Variants in ABCB5 observed in about 807,000 individuals in gnomAD.
The protein encoded by ABCB5 is ATP binding cassette subfamily B member 5, also known as ATP-binding cassette sub-family B member 5.
In ABCB5, 155 loss-of-function variants were observed where a neutral mutation model predicts 144.2. The ratio of observed to expected loss-of-function variants is 1.08; its 90% CI spans 0.94 to 1.23. ABCB5 has a LOEUF of 1.23. ABCB5 is among the 50% of genes most tolerant of loss of function. The probability of loss-of-function intolerance (pLI) is 0.00; values close to 1 mark genes in which losing one functional copy is unlikely to be tolerated. For missense variants in ABCB5, 1,830 were observed against 1,520.8 expected, an observed-to-expected ratio of 1.20 and a Z score of -3.38; for synonymous variants, 610 against 528.6, an observed-to-expected ratio of 1.15 and a Z score of -2.11.
chr7:20,683,504 G>T (rs780670933), intron 15 of ABCB5, among the ~76,000 whole-genome samples: 2 of 152,062 alleles, frequency 1.3e-5, no homozygotes, highest in South Asian at 2.1e-4. Flanking sequence ...TCTTTCTTTG[G>T]AGTAGTACAT....
intron 14 of ABCB5, among the ~76,000 whole-genome samples, 184 bp downstream of exon 14, chr7:20,658,860 G>A (rs990503642): frequency 1.3e-5 from 2 of 152,178 alleles, no homozygotes; most frequent in East Asian, 3.9e-4. Context: ...GACAGAAGGA[G>A]ATGCTGTGGT....
intron 14 of ABCB5, 116 bp from the exon 15 acceptor site, chr7:20,681,389 A>T: frequency 8.4e-7 from 1 of 1,189,008 alleles, no homozygotes; most frequent in Non-Finnish European, 1.2e-6. Context: ...GGCCTCCCAA[A>T]GTGCTGGAAT....
chr7:20,648,780 G>A (rs926959835), intron 11 of ABCB5, among the ~76,000 whole-genome samples: 1 of 152,148 alleles, frequency 6.6e-6, no homozygotes, highest in Non-Finnish European at 1.5e-5. Context: ...TTTGTATAAA[G>A]ACCTACCTAC....
chr7:20,697,240 T>A (rs1279099395), intron 16 of ABCB5, among the ~76,000 whole-genome samples: 14 of 152,216 alleles, frequency 9.2e-5, no homozygotes. Flanking sequence ...TTTAAAGGCA[T>A]CAGAATTTCA....
intron 14 of ABCB5, among the ~76,000 whole-genome samples, chr7:20,667,802 G>A (rs965667349): frequency 4.0e-5 from 6 of 148,336 alleles, no homozygotes; most frequent in Non-Finnish European, 8.9e-5. Context: ...CTGCCATCTC[G>A]GCTCACTGCA....
At chr7:20,623,377 C>T (rs1484957879) in intron 2 of ABCB5, 39 bp downstream of exon 2, 3 of 1,468,428 alleles carry the variant, frequency 2.0e-6, no homozygotes, top group East Asian at 4.9e-5. Context: ...GCTTCCACAA[C>T]TTCAAATATA....
chr7:20,730,034 A>G (rs1024328411), intron 23 of ABCB5, among the ~76,000 whole-genome samples: 3 of 152,210 alleles, frequency 2.0e-5, no homozygotes, highest in African/African-American at 7.2e-5. Context: ...AAATTTATTT[A>G]TTTATTAAGC....
chr7:20,737,183 T>C (rs1782407546), intron 23 of ABCB5, among the ~76,000 whole-genome samples: 1 of 150,834 alleles, frequency 6.6e-6, no homozygotes. Context: ...TGAAGAAGAT[T>C]AGTGTCCCTC....
At chr7:20,652,602 A>G (rs1337569887) in intron 13 of ABCB5, among the ~76,000 whole-genome samples, 2 of 152,216 alleles carry the variant, frequency 1.3e-5, no homozygotes, top group Admixed American at 6.5e-5. Context: ...GGAAAGCAAT[A>G]TAGTCCCCAA....
chr7:20,688,226 T>C (rs547148376), intron 16 of ABCB5, among the ~76,000 whole-genome samples: 7 of 151,572 alleles, frequency 4.6e-5, no homozygotes, highest in Admixed American at 6.6e-5. Context: ...TAAAATAAAA[T>C]AAAATAAACA....
intron 16 of ABCB5, 36 bp from the exon 17 acceptor site, chr7:20,698,371 A>T (rs1173405687): frequency 2.0e-6 from 3 of 1,534,956 alleles, no homozygotes. Context: ...TTATGCACAC[A>T]AACTGGCATT....
At chr7:20,669,818 G>A (rs969154364) in intron 14 of ABCB5, among the ~76,000 whole-genome samples, 2 of 146,606 alleles carry the variant, frequency 1.4e-5, no homozygotes, top group East Asian at 2.0e-4. Context: ...AGTAGGCTAG[G>A]TGCCTGAGTG....
At chr7:20,636,063 G>A (rs958010358) in intron 5 of ABCB5, among the ~76,000 whole-genome samples, 2 of 152,078 alleles carry the variant, frequency 1.3e-5, no homozygotes, top group African/African-American at 4.8e-5. Flanking sequence ...AAGTTCTATT[G>A]GATAGTGTTG....
intron 20 of ABCB5, among the ~76,000 whole-genome samples, chr7:20,705,741 C>G (rs897314481): frequency 6.6e-6 from 1 of 151,664 alleles, no homozygotes; most frequent in Non-Finnish European, 1.5e-5. Flanking sequence ...ACTAAAGCAA[C>G]CCATCAGAAT....
At chr7:20,623,404 C>G (rs1389895207) in intron 2 of ABCB5, 66 bp downstream of exon 2, 2 of 1,261,682 alleles carry the variant, frequency 1.6e-6, no homozygotes, top group East Asian at 5.1e-5. Context: ...CCTTTCCACA[C>G]CTATAGCAAA....
intron 5 of ABCB5, 129 bp downstream of exon 5, chr7:20,632,242 C>T: frequency 1.7e-6 from 1 of 574,768 alleles, no homozygotes; most frequent in East Asian, 3.1e-5. Context: ...GCAAACATTT[C>T]CTCTTCTTTC....
intron 2 of ABCB5, among the ~76,000 whole-genome samples, chr7:20,625,603 C>T (rs547652020): frequency 2.6e-5 from 4 of 152,076 alleles, no homozygotes; most frequent in African/African-American, 7.2e-5. Flanking sequence ...TTGCAATCCA[C>T]CACTTCATAC....
chr7:20,676,654 A>C (rs1785623542), intron 14 of ABCB5, among the ~76,000 whole-genome samples: 1 of 152,200 alleles, frequency 6.6e-6, no homozygotes, highest in East Asian at 1.9e-4. Context: ...AAGACGAATA[A>C]GTTCTAGACA....
chr7:20,679,394 C>G (rs543724193), intron 14 of ABCB5, among the ~76,000 whole-genome samples: 1 of 144,666 alleles, frequency 6.9e-6, no homozygotes, highest in East Asian at 2.1e-4. Flanking sequence ...TTGCTTGAAC[C>G]TGGGAGGCAG....
Sources: allele counts gnomAD v4.1 joint callset (sites outside exome capture counted in the v4.1 genomes callset), GRCh38; gene constraint gnomAD v4.1.1; transcripts MANE v1.5; gene names NCBI Gene and HGNC (gene_info 2026-07-23, HGNC 2026-07-21).